The following CNTN5 variants were observed in gnomAD, a reference collection of about 807,000 sequenced individuals.
CNTN5 encodes the protein contactin-5.
CNTN5 carries 77 observed loss-of-function variants against 129.1 expected under a neutral mutation model. The ratio of observed to expected loss-of-function variants is 0.60; its 90% confidence interval spans 0.50 to 0.72. The LOEUF is 0.72. CNTN5 is among the 30% of genes least tolerant of loss of function. CNTN5 has a pLI of 0.00. For missense variants in CNTN5, 1,478 were observed against 1,328.8 expected, an observed-to-expected ratio of 1.11 and a Z score of -1.75; for synonymous variants, 509 against 465.6, an observed-to-expected ratio of 1.09 and a Z score of -1.20.
intron 13 of CNTN5, among the ~76,000 whole-genome samples, chr11:100,166,563 C>G (rs1947643825): frequency 6.6e-6 from 1 of 151,650 alleles, no homozygotes; most frequent in Non-Finnish European, 1.5e-5. Context: ...ATGCCAAGAA[C>G]ACTTTTTAAA....
intron 6 of CNTN5, among the ~76,000 whole-genome samples, chr11:99,857,179 T>C (rs1035328705): frequency 1.1e-4 from 17 of 152,094 alleles, no homozygotes; most frequent in Admixed American, 5.2e-4. Context: ...TTTAAAACAA[T>C]GGCTGAAGCC....
chr11:100,048,539 A>G (rs745565978), intron 9 of CNTN5, among the ~76,000 whole-genome samples: 1 of 152,168 alleles, frequency 6.6e-6, no homozygotes, highest in Non-Finnish European at 1.5e-5. Context: ...AATAGAAGTT[A>G]TCTTTATGAA....
intron 3 of CNTN5, among the ~76,000 whole-genome samples, chr11:99,613,745 T>G (rs972052730): frequency 5.3e-5 from 8 of 152,216 alleles, no homozygotes; most frequent in Non-Finnish European, 8.8e-5. Context: ...CTGAGGATAA[T>G]AGATACTTGC....
chr11:99,845,288 T>C, intron 6 of CNTN5, 26 bp downstream of exon 6: 1 of 1,477,808 alleles, frequency 6.8e-7, no homozygotes, highest in Non-Finnish European at 9.3e-7. Flanking sequence ...GATTTTTCTA[T>C]ATATATGTAT....
intron 1 of CNTN5, among the ~76,000 whole-genome samples, chr11:99,171,565 AGAT>A (rs779195384): frequency 6.6e-6 from 1 of 152,154 alleles, no homozygotes; most frequent in Non-Finnish European, 1.5e-5. Flanking sequence ...GTAGTTTGTT[AGAT>A]GATGAATTTC....
intron 6 of CNTN5, among the ~76,000 whole-genome samples, chr11:99,868,218 T>TAA (rs10645597): frequency 0.017 from 2,039 of 119,078 alleles, 61 homozygotes; most frequent in East Asian, 0.13. Context: ...CTCCATCTCA[T>TAA]AAAAAAAAAA....
chr11:99,335,537 C>T (rs1866185122), intron 2 of CNTN5, among the ~76,000 whole-genome samples: 1 of 151,372 alleles, frequency 6.6e-6, no homozygotes, highest in Admixed American at 6.6e-5. Context: ...AAAACAAGAC[C>T]GAGAATGGAG....
In CNTN5 at chr11:100,061,286, C is replaced by T. The variant is rs199796384; in HGVS notation, c.1055C>T (p.Ala352Val). 1.4e-5 allele frequency: 22 copies of T among 1,613,262 alleles called. 1 individual carries two copies. In the South Asian group the frequency reaches 1.9e-4, roughly 14 times the overall value. Residue 352 changes from alanine to valine, a missense_variant, in exon 10 of 25, where the codon GCG becomes GTG. Ala to Val is a moderately conservative substitution (Grantham distance 64). Transcript: ENST00000524871. The stretch of plus-strand genomic sequence containing the variant: ...AAGGCACGTCTGCGGAAATCTCAGG[C>T]GGTGCTGGAAATACCGAATGTACAG... ...PSKARLRKSQ[A>V]VLEIPNVQLD...
chr11:99,069,150 T>A (rs937052469), intron 1 of CNTN5, among the ~76,000 whole-genome samples: 2 of 152,084 alleles, frequency 1.3e-5, no homozygotes, highest in Non-Finnish European at 2.9e-5. Flanking sequence ...TTTTCCAGAG[T>A]TGATCCTCTG....
At chr11:99,204,405 C>A (rs1859369156) in intron 1 of CNTN5, among the ~76,000 whole-genome samples, 1 of 152,108 alleles carries the variant, frequency 6.6e-6, no homozygotes, top group African/African-American at 2.4e-5. Context: ...GGTTTGAGAT[C>A]ACTTATTCCT....
intron 3 of CNTN5, among the ~76,000 whole-genome samples, chr11:99,783,977 A>C (rs1945415027): frequency 6.6e-6 from 1 of 152,114 alleles, no homozygotes; most frequent in Non-Finnish European, 1.5e-5. Flanking sequence ...TAATAAAAAA[A>C]AAAGTATGAA....
intron 21 of CNTN5, chr11:100,309,029 C>T: frequency 2.0e-6 from 2 of 984,976 alleles, no homozygotes; most frequent in Non-Finnish European, 2.4e-6. Context: ...TTAGCCTCCG[C>T]AGAGAATAGC....
chr11:99,919,445 G>T lies in CNTN5; in HGVS notation c.673+3296G>T, dbSNP rs1385627225. Among the ~76,000 whole-genome samples the T allele has an allele frequency of 3.3e-5, 5 of 152,184 alleles. No homozygotes were observed. The South Asian group carries it at 6.2e-4, about 19-fold the overall frequency. ...CATCGGCCAATGCCCTCTTCATTCA[G>T]CTACTACATGATTTTTGGTTTCCCT... is the stretch of plus-strand genomic sequence containing the variant. On this transcript the variant is annotated intron_variant, in intron 7 of 24. Transcript: ENST00000524871.
chr11:99,916,710 C>T (rs1949798612), intron 7 of CNTN5, among the ~76,000 whole-genome samples: 1 of 152,102 alleles, frequency 6.6e-6, no homozygotes, highest in Non-Finnish European at 1.5e-5. Flanking sequence ...GAAAACTAAG[C>T]TCTGCTCAGA....
chr11:99,689,523 C>CTCA, intron 3 of CNTN5, among the ~76,000 whole-genome samples: 1 of 4,052 alleles, frequency 2.5e-4, no homozygotes, highest in Non-Finnish European at 5.6e-4. Context: ...TGAGACTCCT[C>CTCA]AAAAAAGAAA....
rs745694465 is a variant in CNTN5 at position 99,819,670 on chromosome 11, C to T, written c.182C>T (p.Thr61Ile). 2 of 1,612,946 alleles carry T rather than the reference C, an allele frequency of 1.2e-6. No homozygotes were observed. The highest frequency in any genetic ancestry group is 1.7e-6 in the Non-Finnish European group (2 of 1,179,806). The change falls in exon 4 of 25, where the codon ACA becomes ATA. Residue 61 changes from threonine (T) to isoleucine (I), a missense_variant. Thr to Ile is a moderately conservative substitution (Grantham distance 89). Coordinates refer to ENST00000524871, the MANE Select transcript of CNTN5 (RefSeq NM_014361.4). ...RPRYSSPSLGTLSASSPSWLG... is the reference protein window; with the variant it reads ...RPRYSSPSLGILSASSPSWLG... ...CGATACAGCAGCCCTTCATTAGGAACACTGAGTGCTTCTTCACCCAGCTGG... is the reference window on the plus strand; with the variant it reads ...CGATACAGCAGCCCTTCATTAGGAATACTGAGTGCTTCTTCACCCAGCTGG...
At chr11:100,354,869 G>A (rs1952488391) in intron 24 of CNTN5, among the ~76,000 whole-genome samples, 1 of 151,546 alleles carries the variant, frequency 6.6e-6, no homozygotes, top group South Asian at 2.1e-4. Flanking sequence ...CAGTATAAAA[G>A]ATAAAAAAAT....
rs1391865188 is a variant in CNTN5 at position 100,231,807 on chromosome 11, A to G, written c.2005+6995A>G. On this transcript the variant is annotated intron_variant, in intron 16 of 24. Coordinates refer to ENST00000524871, the MANE Select transcript of CNTN5 (RefSeq NM_014361.4). ...GCTCAGGAGAGAAACACTGGCCTTGACATCCAGATTTGAGCATTGTTCACA... is the reference window on the plus strand; with the variant it reads ...GCTCAGGAGAGAAACACTGGCCTTGGCATCCAGATTTGAGCATTGTTCACA... Among the ~76,000 whole-genome samples, 4 of 152,328 alleles carry G rather than the reference A, an allele frequency of 2.6e-5. No homozygotes were observed. In the South Asian group the frequency reaches 8.3e-4, roughly 32 times the overall value.
At chr11:99,220,502 T>C (rs1860345189) in intron 1 of CNTN5, among the ~76,000 whole-genome samples, 1 of 151,932 alleles carries the variant, frequency 6.6e-6, no homozygotes, top group Admixed American at 6.6e-5. Flanking sequence ...TTGCCTGAAA[T>C]ATACTATACC....
Sources: gnomAD v4.1 joint callset for allele counts (sites outside exome capture counted in the v4.1 genomes callset) on GRCh38, gnomAD v4.1.1 for gene constraint, MANE v1.5 for transcripts, NCBI Gene and HGNC (gene_info 2026-07-23, HGNC 2026-07-21) for gene names.